Variants in IQCH observed in about 807,000 individuals in gnomAD.
The protein encoded by IQCH is IQ domain-containing protein H.
IQCH carries 98 observed loss-of-function variants against 117.0 expected under a neutral mutation model. The ratio of observed to expected loss-of-function variants is 0.84; its 90% CI spans 0.71 to 0.99. The LOEUF (loss-of-function observed/expected upper bound fraction) is 0.99. Among genes scored for constraint, IQCH ranks in the 50% least tolerant of loss-of-function variants. IQCH has a pLI of 0.00. For synonymous variants in IQCH, 412 were observed against 448.2 expected (o/e 0.92, Z 1.02); for missense variants, 1,102 against 1,243.8 (o/e 0.89, Z 1.72).
chr15:67,294,738 A>C lies in IQCH; in HGVS notation c.387+15226A>C, dbSNP rs146634033. Among the ~76,000 whole-genome samples, 103 of 152,364 alleles carry C rather than the reference A, an allele frequency of 6.8e-4. 4 individuals carry two copies. In the East Asian group the frequency reaches 0.012, roughly 17 times the overall value. ...TCTGAGCAGCTGAACTAATGCTAGCAATTGACTACCTCTGCCATGTGAGAA... is the reference window on the plus strand; with the variant it reads ...TCTGAGCAGCTGAACTAATGCTAGCCATTGACTACCTCTGCCATGTGAGAA... On this transcript the variant is annotated intron_variant, in intron 4 of 20. Transcript: ENST00000335894.
At position 67,500,732 on chromosome 15, in the gene IQCH, A is replaced by G. The variant is rs376814515; in HGVS notation, c.3070A>G (p.Lys1024Glu). The G allele has an allele frequency of 2.6e-6, 4 of 1,566,156 alleles. No individual in the cohort carries two copies. The highest frequency in any genetic ancestry group is 3.5e-6 in the Non-Finnish European group (4 of 1,143,486). Residue 1024 changes from lysine to glutamate, a missense_variant, in exon 21 of 21, where the codon AAA (lysine) becomes GAA (glutamate). Lys to Glu is a moderately conservative substitution (Grantham distance 56, BLOSUM62 1). Around this residue, in one of 2 missense-constraint regions of IQCH, gnomAD observed 650 missense variants for 794.3 expected, o/e 0.82. Transcript: ENST00000335894. The surrounding 1 kb of genome is among the most constrained non-coding windows in gnomAD (Gnocchi z 4.4). Reference protein sequence around the residue: ...QQSKDDKNLSKPKK With the variant: ...QQSKDDKNLSEPKK ...GTCCAAAGATGATAAAAACCTCTCT[A>G]AACCCAAGAAATGATCCTGGAATAC...
At position 67,457,681 on chromosome 15, in the gene IQCH, G is replaced by T. The variant is rs574672268; in HGVS notation, c.2506-7446G>T. On this transcript the variant is annotated intron_variant, in intron 16 of 20. Coordinates refer to ENST00000335894, the MANE Select transcript of IQCH (RefSeq NM_001031715.3). This position sits in a 1 kb window ranked among gnomAD's most constrained non-coding sequence, Gnocchi z 5.7. ...ATCCCTCAGGGATAGATCCCATCAG[G>T]CCTATATTAATAGACAAGGAAATAG... Among the ~76,000 whole-genome samples the T allele has an allele frequency of 1.3e-5, 2 of 152,272 alleles. No individual in the cohort carries two copies. Among genetic ancestry groups the T allele is most frequent in the South Asian group, 2.1e-4 (1 of 4,816 alleles).
chr15:67,359,677 T>C lies in IQCH; in HGVS notation c.715-170T>C, dbSNP rs757319336. Among the ~76,000 whole-genome samples the C allele has an allele frequency of 2.0e-4, 30 of 152,200 alleles. No individual in the cohort carries two copies. The highest frequency in any genetic ancestry group is 1.8e-3 in the Admixed American group (27 of 15,282). Reference sequence around the variant, plus strand: ...TTGGCAAACAGAGCATCGTTGTCAGTGTGGGAAAGGTCTTTCTAATTATTA... The same window carrying C: ...TTGGCAAACAGAGCATCGTTGTCAGCGTGGGAAAGGTCTTTCTAATTATTA... On this transcript the variant is annotated intron_variant, in intron 7 of 20. Transcript: ENST00000335894. This position sits in a 1 kb window ranked among gnomAD's most constrained non-coding sequence, Gnocchi z 4.5.
At chr15:67,276,605 G>C (rs1029742607) in intron 3 of IQCH, among the ~76,000 whole-genome samples, 1 of 152,068 alleles carries the variant, frequency 6.6e-6, no homozygotes, top group East Asian at 1.9e-4. Flanking sequence ...AATTTTTGCA[G>C]GTTAGTGGGT....
chr15:67,344,339 T>A lies in IQCH; in HGVS notation c.637+148T>A, dbSNP rs971045277. The stretch of plus-strand genomic sequence containing the variant: ...CCTGAGTTTCACTACATTCCCACAG[T>A]CAGCTATTTCTTCTATAATTCTATT... On this transcript the variant is annotated intron_variant, in intron 6 of 20. Coordinates refer to ENST00000335894, the MANE Select transcript of IQCH (RefSeq NM_001031715.3). 6.9e-6 allele frequency: 4 copies of A among 579,280 alleles called. No homozygotes were observed. The African/African-American group carries it at 7.5e-5, about 11-fold the overall frequency. The allele number at this position is 579,280 out of a possible 1,614,324, so 35.9% of individuals were successfully genotyped here. A position where few individuals can be genotyped will look rare whatever the true frequency, so the allele number is the denominator to read the frequency against.
chr15:67,336,125 C>A (rs2140655156), intron 4 of IQCH, among the ~76,000 whole-genome samples: 1 of 152,184 alleles, frequency 6.6e-6, no homozygotes, highest in East Asian at 1.9e-4. Flanking sequence ...AATTTCTAAT[C>A]TTTCTGTCTT....
intron 9 of IQCH, 120 bp downstream of exon 9, chr15:67,372,782 A>G (rs1970594217): frequency 2.5e-6 from 2 of 793,106 alleles, no homozygotes; most frequent in East Asian, 5.1e-5. Flanking sequence ...CTTGCCTCAG[A>G]CTCCCACGCC....
chr15:67,392,906 T>G (rs1239492311), intron 12 of IQCH, among the ~76,000 whole-genome samples: 1 of 151,624 alleles, frequency 6.6e-6, no homozygotes, highest in Non-Finnish European at 1.5e-5. Flanking sequence ...ATCATGTAAA[T>G]CCTCTTCTCA....
chr15:67,456,876 A>T lies in IQCH; in HGVS notation c.2506-8251A>T, dbSNP rs1336099694. ...GCCTCTTACCCCACCCACTCCAAAC[A>T]CCCCATAGAAGGCAGTGTCCAAGGG... On this transcript the variant is annotated intron_variant, in intron 16 of 20. Transcript: ENST00000335894. This position sits in a 1 kb window ranked among gnomAD's most constrained non-coding sequence, Gnocchi z 5.1. Among the ~76,000 whole-genome samples, 1 of 151,922 alleles carries T rather than the reference A, an allele frequency of 6.6e-6. No individual in the cohort carries two copies. The highest frequency in any genetic ancestry group is 1.5e-5 in the Non-Finnish European group (1 of 67,968).
intron 4 of IQCH, among the ~76,000 whole-genome samples, chr15:67,284,445 G>C (rs781467171): frequency 3.3e-5 from 5 of 151,838 alleles, no homozygotes; most frequent in Non-Finnish European, 7.4e-5. Flanking sequence ...CATTCATCTG[G>C]GTTTTTTGTT....
intron 16 of IQCH, among the ~76,000 whole-genome samples, chr15:67,451,841 A>G: frequency 6.6e-6 from 1 of 152,074 alleles, no homozygotes; most frequent in Non-Finnish European, 1.5e-5. Context: ...GTCTCCCATT[A>G]TTATTGTGTG....
intron 18 of IQCH, among the ~76,000 whole-genome samples, chr15:67,485,058 A>G (rs1005479630): frequency 5.9e-5 from 9 of 152,306 alleles, no homozygotes; most frequent in African/African-American, 1.9e-4. Context: ...TGAAAGCTAG[A>G]AGACAATGGG....
intron 20 of IQCH, among the ~76,000 whole-genome samples, chr15:67,495,119 T>C (rs144011507): frequency 3.9e-5 from 6 of 152,312 alleles, no homozygotes; most frequent in African/African-American, 1.2e-4. Flanking sequence ...AAACCACATG[T>C]AGTTTTTCTC....
Position 67,417,945 on chromosome 15 carries a change from GCA to G in IQCH, c.2218+897_2218+898del, listed in dbSNP as rs1230415197. Among the ~76,000 whole-genome samples the G allele has an allele frequency of 1.3e-5, 2 of 152,184 alleles. No individual in the cohort carries two copies. Among genetic ancestry groups the G allele is most frequent in the Non-Finnish European group, 2.9e-5 (2 of 68,048 alleles). Reference sequence around the variant, plus strand: ...TCAGATGATAACAGCAGCAGCAATAGCACAGTGATGATAATAATAGTGAGCTT... The same window carrying G: ...TCAGATGATAACAGCAGCAGCAATAGCAGTGATGATAATAATAGTGAGCTT... On this transcript the variant is annotated intron_variant, in intron 15 of 20. Coordinates refer to ENST00000335894, the MANE Select transcript of IQCH (RefSeq NM_001031715.3). This position sits in a 1 kb window ranked among gnomAD's most constrained non-coding sequence, Gnocchi z 4.3.
At chr15:67,492,125 G>A (rs2141095281) in intron 19 of IQCH, among the ~76,000 whole-genome samples, 1 of 152,304 alleles carries the variant, frequency 6.6e-6, no homozygotes, top group Admixed American at 6.5e-5. Flanking sequence ...GAACCAAGCA[G>A]TCATCTGGAT....
intron 16 of IQCH, among the ~76,000 whole-genome samples, chr15:67,442,097 G>A (rs2082282206): frequency 6.6e-6 from 1 of 152,120 alleles, no homozygotes. Context: ...CTCAAAAGAA[G>A]ATATACAAGT....
At chr15:67,361,461 A>G (rs570921898) in intron 8 of IQCH, among the ~76,000 whole-genome samples, 3 of 152,362 alleles carry the variant, frequency 2.0e-5, no homozygotes, top group South Asian at 2.1e-4. Context: ...CAGAGCCCCA[A>G]AGCATTAGAA....
intron 12 of IQCH, 97 bp downstream of exon 12, chr15:67,389,103 T>C: frequency 1.1e-6 from 1 of 912,202 alleles, no homozygotes; most frequent in Non-Finnish European, 1.7e-6. Flanking sequence ...ATCAGTGAAA[T>C]ATTATTGCAA....
At chr15:67,470,831 A>G (rs918269127) in intron 17 of IQCH, among the ~76,000 whole-genome samples, 4 of 152,202 alleles carry the variant, frequency 2.6e-5, no homozygotes, top group African/African-American at 9.6e-5. Flanking sequence ...GGTAACCACC[A>G]TTCTGTGTCT....
Sources: allele counts gnomAD v4.1 joint callset (sites outside exome capture counted in the v4.1 genomes callset), GRCh38; gene constraint gnomAD v4.1.1; regional missense constraint gnomAD v4.1.1; non-coding constraint Gnocchi (gnomAD v3.1); transcripts MANE v1.5; gene names NCBI Gene and HGNC (gene_info 2026-07-23, HGNC 2026-07-21).